NUP62CL: variants seen among roughly 807,000 people sequenced by gnomAD.
NUP62CL encodes the protein nucleoporin-62 C-terminal-like protein.
Under a neutral mutation model 15.3 loss-of-function variants are expected in NUP62CL, and 13 were observed. That is an observed-to-expected ratio of 0.85 (90% confidence interval 0.55 to 1.35). NUP62CL has a LOEUF of 1.35. NUP62CL is among the 40% of genes most tolerant of loss of function. The pLI, the probability that NUP62CL is intolerant of heterozygous loss-of-function variation, is 0.00. For synonymous variants in NUP62CL, 54 were observed against 49.2 expected, an observed-to-expected ratio of 1.10 and a Z score of -0.41; for missense variants, 123 against 130.6, an observed-to-expected ratio of 0.94 and a Z score of 0.28.
Position 107,154,128 on chromosome X carries a change from A to G in NUP62CL, c.313T>C (p.Trp105Arg). 1 of 1,208,162 alleles carries G rather than the reference A, an allele frequency of 8.3e-7. No homozygotes were observed. Among genetic ancestry groups the G allele is most frequent in the Non-Finnish European group, 1.1e-6 (1 of 893,575 alleles). ...CCATTCTCAATCAATGTATGGTCCC[A>G]AGCATTGACCTGAGTGGCCTGGAGA... ...FLLQATQVNAWDHTLIENGEM... is the reference protein window; with the variant it reads ...FLLQATQVNARDHTLIENGEM... The change falls in exon 5 of 9, where the codon TGG (tryptophan) becomes CGG (arginine). Residue 105 changes from tryptophan to arginine, a missense_variant. Physicochemically the swap from Trp to Arg is moderately radical, Grantham distance 101 (BLOSUM62 -3). Transcript: ENST00000372466.
At chrX:107,204,917 AT>A (rs1927631649) in intron 1 of NUP62CL, among the ~76,000 whole-genome samples, 1 of 88,669 alleles carries the variant, frequency 1.1e-5, no homozygotes, top group Non-Finnish European at 2.2e-5. Context: ...TTTTAAATAA[AT>A]TATTTATTTA....
intron 1 of NUP62CL, among the ~76,000 whole-genome samples, chrX:107,197,646 A>G (rs1927386513): frequency 9.2e-6 from 1 of 109,209 alleles, no homozygotes; most frequent in South Asian, 4.0e-4. Context: ...CTCAGCAGAA[A>G]GCACACTAGG....
At chrX:107,138,877 T>C (rs1272712480) in intron 8 of NUP62CL, among the ~76,000 whole-genome samples, 2 of 112,198 alleles carry the variant, frequency 1.8e-5, no homozygotes, top group Non-Finnish European at 3.8e-5. Context: ...TTATTCATAA[T>C]GTCCTAAAAC....
chrX:107,153,138 T>C lies in NUP62CL; in HGVS notation c.530+34A>G, dbSNP rs745411675. 16 of 1,178,022 alleles carry C rather than the reference T, an allele frequency of 1.4e-5. No homozygotes were observed. In the Admixed American group the frequency reaches 3.9e-4, roughly 29 times the overall value. Reference sequence around the variant, plus strand: ...GAATGCTCTCAGAATACGTAAGTCCTGCCCCATTCTTCAATCTTTTTTCAG... The same window carrying C: ...GAATGCTCTCAGAATACGTAAGTCCCGCCCCATTCTTCAATCTTTTTTCAG... On this transcript the variant is annotated intron_variant, in intron 7 of 8. Transcript: ENST00000372466.
chrX:107,167,821 G>T (rs371548502), intron 3 of NUP62CL, 37 bp from the exon 4 acceptor site: 336 of 1,142,727 alleles, frequency 2.9e-4, no homozygotes, highest in Non-Finnish European at 3.6e-4. Flanking sequence ...TAAGAAATGA[G>T]AAATTTGTTT....
chrX:107,201,221 T>G (rs1927477954), intron 1 of NUP62CL, among the ~76,000 whole-genome samples: 1 of 111,792 alleles, frequency 8.9e-6, no homozygotes, highest in Non-Finnish European at 1.9e-5. Context: ...TTTGCCATTT[T>G]ACCCATTTTA....
rs886989844 is a variant in NUP62CL at position 107,192,660 on chromosome X, C to T, written c.-48+369G>A. Among the ~76,000 whole-genome samples, 4 of 112,116 alleles carry T rather than the reference C, an allele frequency of 3.6e-5. No individual in the cohort carries two copies. In the East Asian group the frequency reaches 1.1e-3, roughly 31 times the overall value. ...CCTCTCAAAGTGCTGGGATTACAAG[C>T]GCGAACCACTGCGCCAGGCCAGAAA... On this transcript the variant is annotated intron_variant, in intron 2 of 8. Coordinates refer to ENST00000372466, the MANE Select transcript of NUP62CL (RefSeq NM_017681.3).
chrX:107,132,441 G>C (rs1925540303), intron 8 of NUP62CL, among the ~76,000 whole-genome samples: 1 of 112,001 alleles, frequency 8.9e-6, no homozygotes, highest in African/African-American at 3.3e-5. Flanking sequence ...AATCATTTGG[G>C]ACCAGACATG....
chrX:107,188,105 T>C lies in NUP62CL; in HGVS notation c.-48+4924A>G, dbSNP rs368721370. Among the ~76,000 whole-genome samples, 67 of 112,373 alleles carry C rather than the reference T, an allele frequency of 6.0e-4. 1 individual carries two copies. In the South Asian group the frequency reaches 0.025, roughly 41 times the overall value. On this transcript the variant is annotated intron_variant, in intron 2 of 8. Transcript: ENST00000372466. ...CTAGTATTACTCACTGACCAACTCATTTTATGAAGCTAGTATTACTTACTG... is the reference window on the plus strand; with the variant it reads ...CTAGTATTACTCACTGACCAACTCACTTTATGAAGCTAGTATTACTTACTG...
intron 7 of NUP62CL, chrX:107,150,776 G>A: frequency 3.1e-6 from 1 of 318,484 alleles, no homozygotes; most frequent in Non-Finnish European, 6.4e-6. Context: ...TGGGGTTATA[G>A]GCATGAGCCA....
Position 107,175,202 on chromosome X carries a change from C to A in NUP62CL, c.-47-9G>T. 1.2e-6 allele frequency: 1 copy of A among 868,982 alleles called. No homozygotes were observed. The highest frequency in any genetic ancestry group is 1.7e-6 in the Non-Finnish European group (1 of 605,767). 71.6% of individuals were successfully genotyped at this position (868,982 alleles called of 1,213,427 possible). A position where few individuals can be genotyped will look rare whatever the true frequency, so the allele number is the denominator to read the frequency against. ...AGCTGCTGGAGCCAAACCTAAAAAT[C>A]AAAGTAACAAACAGAAAAATATGTC... On this transcript the variant is annotated splice_polypyrimidine_tract_variant and intron_variant, in intron 2 of 8. Transcript: ENST00000372466.
intron 7 of NUP62CL, among the ~76,000 whole-genome samples, chrX:107,152,049 G>GATATATATATAT (rs778670339): frequency 3.6e-4 from 15 of 41,126 alleles, no homozygotes; most frequent in African/African-American, 2.3e-3. Context: ...TATATATTCA[G>GATATATATATAT]ATATATATAT....
At chrX:107,202,212 C>A (rs750163227) in intron 1 of NUP62CL, among the ~76,000 whole-genome samples, 7 of 111,649 alleles carry the variant, frequency 6.3e-5, no homozygotes, top group Non-Finnish European at 1.3e-4. Context: ...ATTGTTAAAT[C>A]TTTGGTAGAT....
Position 107,154,155 on chromosome X carries a change from GA to G in NUP62CL, c.285del (p.Leu96PhefsTer14), listed in dbSNP as rs777711208. 5 of 1,205,394 alleles carry G rather than the reference GA, an allele frequency of 4.1e-6. No individual in the cohort carries two copies. The Admixed American group carries it at 1.1e-4, about 26-fold the overall frequency. On this transcript the variant is annotated frameshift_variant, in exon 5 of 9. Coordinates refer to ENST00000372466, the MANE Select transcript of NUP62CL (RefSeq NM_017681.3). LOFTEE classifies it high-confidence loss of function. The stretch of plus-strand genomic sequence containing the variant: ...GCATTGACCTGAGTGGCCTGGAGAA[GA>G]AAGTACTTCTCTTGATCTTCCAGCT... ...NLELEDQEKY[F>X]LLQATQVNAW...
intron 8 of NUP62CL, chrX:107,132,285 G>T (rs1256545381): frequency 1.1e-5 from 11 of 975,114 alleles, no homozygotes; most frequent in Non-Finnish European, 1.6e-5. Context: ...ACTCCTAGAT[G>T]AAATGTTTCC....
At chrX:107,201,095 T>A (rs1274507249) in intron 1 of NUP62CL, among the ~76,000 whole-genome samples, 2 of 111,985 alleles carry the variant, frequency 1.8e-5, no homozygotes, top group Admixed American at 9.5e-5. Flanking sequence ...GTTCACTTTT[T>A]TCATGGCCTC....
chrX:107,131,620 G>C (rs1442874735), intron 8 of NUP62CL: 2 of 490,199 alleles, frequency 4.1e-6, no homozygotes, highest in East Asian at 7.2e-5. Context: ...ACTAGTAGGC[G>C]AGGCGCCGCG....
chrX:107,184,621 G>A (rs1927009503), intron 2 of NUP62CL, among the ~76,000 whole-genome samples: 1 of 111,451 alleles, frequency 9.0e-6, no homozygotes, highest in Admixed American at 9.5e-5. Flanking sequence ...TAACTTTCGT[G>A]TCATCAGAGA....
chrX:107,168,354 A>C (rs1926564020), intron 3 of NUP62CL, among the ~76,000 whole-genome samples: 1 of 111,588 alleles, frequency 9.0e-6, no homozygotes, highest in Non-Finnish European at 1.9e-5. Context: ...AGCCAATACT[A>C]GGCATGCATT....
Sources: gnomAD v4.1 joint callset for allele counts (sites outside exome capture counted in the v4.1 genomes callset) on GRCh38, gnomAD v4.1.1 for gene constraint, MANE v1.5 for transcripts, NCBI Gene and HGNC (gene_info 2026-07-23, HGNC 2026-07-21) for gene names.